Variants in TDRD3 observed in about 807,000 individuals in gnomAD.
TDRD3 encodes tudor domain containing 3.
TDRD3 carries 45 observed loss-of-function variants against 86.7 expected under a neutral mutation model. The ratio of observed to expected loss-of-function variants is 0.52; its 90% confidence interval spans 0.41 to 0.67. TDRD3 has a LOEUF of 0.67. Ranked by LOEUF, TDRD3 falls within the 30% of genes least tolerant of loss-of-function variation. The probability of loss-of-function intolerance (pLI) is 0.00; values close to 1 mark genes in which losing one functional copy is unlikely to be tolerated. For missense variants in TDRD3, 814 were observed against 889.0 expected (o/e 0.92, Z 1.07); for synonymous variants, 298 against 301.7 (o/e 0.99, Z 0.13).
At chr13:60,481,134 G>A (rs1956305039) in intron 5 of TDRD3, among the ~76,000 whole-genome samples, 1 of 152,090 alleles carries the variant, frequency 6.6e-6, no homozygotes, top group African/African-American at 2.4e-5. Flanking sequence ...TGCAGGCATG[G>A]CCAGGCAGGG....
chr13:60,482,224 G>T (rs924536871), intron 5 of TDRD3, among the ~76,000 whole-genome samples: 4 of 152,096 alleles, frequency 2.6e-5, no homozygotes, highest in African/African-American at 9.7e-5. Context: ...ACAACTTCCA[G>T]TTGCATCAGC....
At chr13:60,514,864 G>A (rs1957134132) in intron 10 of TDRD3, among the ~76,000 whole-genome samples, 1 of 152,206 alleles carries the variant, frequency 6.6e-6, no homozygotes, top group Non-Finnish European at 1.5e-5. Flanking sequence ...AAGGAAAATA[G>A]GGTAAGATGG....
chr13:60,446,988 C>T (rs9528140), intron 3 of TDRD3, among the ~76,000 whole-genome samples: 69,863 of 151,952 alleles, frequency 0.46, 16,447 homozygotes, highest in South Asian at 0.54. Flanking sequence ...GCATAAGATA[C>T]AGGACAACAG....
intron 13 of TDRD3, among the ~76,000 whole-genome samples, chr13:60,573,135 T>G (rs1958626594): frequency 6.6e-6 from 1 of 152,158 alleles, no homozygotes; most frequent in Admixed American, 6.5e-5. Context: ...TGGTTTTAAC[T>G]AGAGTGGTGC....
chr13:60,532,176 G>T (rs2137800877), intron 11 of TDRD3, among the ~76,000 whole-genome samples: 1 of 152,284 alleles, frequency 6.6e-6, no homozygotes. Context: ...TGCTGAATAT[G>T]TTCAAAATGT....
intron 4 of TDRD3, among the ~76,000 whole-genome samples, chr13:60,463,168 G>A (rs897204900): frequency 2.0e-5 from 3 of 152,008 alleles, no homozygotes; most frequent in African/African-American, 7.2e-5. Flanking sequence ...AAGTCAAGGC[G>A]GGCGGATCAC....
In TDRD3 at chr13:60,460,453, A is replaced by G. The variant is rs1211331788; in HGVS notation, c.266A>G (p.Gln89Arg). 2 of 1,601,022 alleles carry G rather than the reference A, an allele frequency of 1.2e-6. No homozygotes were observed. Among genetic ancestry groups the G allele is most frequent in the African/African-American group, 1.4e-5 (1 of 74,026 alleles). ...VAAPKDNEESQAAPRMLRLQM... is the reference protein window; with the variant it reads ...VAAPKDNEESRAAPRMLRLQM... The stretch of plus-strand genomic sequence containing the variant: ...GCACCAAAGGATAATGAAGAATCTC[A>G]GGCTGCACCAAGGATGCTGCGATTA... The change falls in exon 4 of 14, where the codon CAG becomes CGG. Residue 89 changes from glutamine (Q) to arginine (R), a missense_variant. Gln to Arg is a conservative substitution (Grantham distance 43). Coordinates refer to ENST00000377881, the MANE Select transcript of TDRD3 (RefSeq NM_001146070.2).
chr13:60,470,349 C>T (rs1956049773), intron 5 of TDRD3, among the ~76,000 whole-genome samples: 1 of 152,118 alleles, frequency 6.6e-6, no homozygotes, highest in African/African-American at 2.4e-5. Flanking sequence ...TACACAAATA[C>T]CTCTTTGAGA....
At chr13:60,414,321 T>G (rs1204215836) in intron 1 of TDRD3, among the ~76,000 whole-genome samples, 1 of 152,140 alleles carries the variant, frequency 6.6e-6, no homozygotes, top group Non-Finnish European at 1.5e-5. Flanking sequence ...TTTTTGTAAA[T>G]AACATTTTAG....
At chr13:60,509,730 C>T in intron 8 of TDRD3, 33 bp from the exon 9 acceptor site, 1 of 1,612,698 alleles carries the variant, frequency 6.2e-7, no homozygotes, top group Non-Finnish European at 8.5e-7. Context: ...TATCTGTGGG[C>T]TATCAGCCAG....
At position 60,444,704 on chromosome 13, in the gene TDRD3, A is replaced by AAG; in HGVS notation, c.150_151dup (p.Lys51ArgfsTer13). ...TTAGACAGATCTGAGAACAATTGGC[A>AAG]AGAAATTCCTCCCCAGTGACATCAA... On this transcript the variant is annotated frameshift_variant, in exon 3 of 14. Transcript: ENST00000377881. LOFTEE classifies it high-confidence loss of function. 6.7e-7 allele frequency: 1 copy of AAG among 1,482,454 alleles called. No homozygotes were observed. The highest frequency in any genetic ancestry group is 9.0e-7 in the Non-Finnish European group (1 of 1,106,108). The allele number at this position is 1,482,454 out of a possible 1,614,324, so 91.8% of individuals were successfully genotyped here. A position where few individuals can be genotyped will look rare whatever the true frequency, so the allele number is the denominator to read the frequency against.
At chr13:60,505,911 G>A (rs973908068) in intron 8 of TDRD3, among the ~76,000 whole-genome samples, 1 of 152,186 alleles carries the variant, frequency 6.6e-6, no homozygotes, top group Non-Finnish European at 1.5e-5. Flanking sequence ...TTTGATTGGT[G>A]TACCTGAAAG....
intron 9 of TDRD3, 105 bp from the exon 10 acceptor site, chr13:60,510,525 A>C: frequency 8.5e-7 from 1 of 1,176,086 alleles, no homozygotes. Context: ...AAATATGAAA[A>C]GAAATTAAAA....
rs776432685 is a variant in TDRD3, at chr13:60,528,682, C to T, written c.1457C>T (p.Pro486Leu). The change falls in exon 11 of 14, where the codon CCT (proline) becomes CTT (leucine). Residue 486 changes from proline (P) to leucine (L), a missense_variant. Pro to Leu is a moderately conservative substitution (Grantham distance 98). Transcript: ENST00000377881. ...RYDRTKDTSY[P>L]LGSQHSDGAF... ...GACAGAACTAAAGATACTTCATATC[C>T]TTTAGGTTCTCAGCATAGTGATGGT... 1 of 1,613,570 alleles carries T rather than the reference C, an allele frequency of 6.2e-7. No individual in the cohort carries two copies. Among genetic ancestry groups the T allele is most frequent in the Non-Finnish European group, 8.5e-7 (1 of 1,179,772 alleles).
intron 10 of TDRD3, among the ~76,000 whole-genome samples, chr13:60,514,677 G>A (rs1268894570): frequency 6.6e-6 from 1 of 152,178 alleles, no homozygotes; most frequent in Non-Finnish European, 1.5e-5. Context: ...GGAATGTATG[G>A]TAGAGGTAGT....
chr13:60,460,279 G>T, intron 3 of TDRD3, 101 bp from the exon 4 acceptor site: 1 of 971,300 alleles, frequency 1.0e-6, no homozygotes, highest in South Asian at 2.0e-5. Flanking sequence ...AAATCATAAA[G>T]CATGACTATT....
At chr13:60,516,668 A>T (rs549742239) in intron 10 of TDRD3, among the ~76,000 whole-genome samples, 1 of 152,314 alleles carries the variant, frequency 6.6e-6, no homozygotes, top group South Asian at 2.1e-4. Flanking sequence ...TTGTAGGGCT[A>T]CAAGGTCGTT....
intron 11 of TDRD3, among the ~76,000 whole-genome samples, chr13:60,529,956 T>C (rs1283657415): frequency 6.6e-6 from 1 of 152,070 alleles, no homozygotes; most frequent in Non-Finnish European, 1.5e-5. Flanking sequence ...AAGGGGACTT[T>C]GCACATTTTT....
At chr13:60,497,941 G>T (rs189119391) in intron 8 of TDRD3, among the ~76,000 whole-genome samples, 53 of 152,164 alleles carry the variant, frequency 3.5e-4, no homozygotes, top group Admixed American at 1.6e-3. Context: ...ATTGATTCAG[G>T]CCTGCTAAGT....
Sources: gnomAD v4.1 joint callset for allele counts (sites outside exome capture counted in the v4.1 genomes callset) on GRCh38, gnomAD v4.1.1 for gene constraint, MANE v1.5 for transcripts, NCBI Gene and HGNC (gene_info 2026-07-23, HGNC 2026-07-21) for gene names.